The following PHLPP1 variants were observed in gnomAD, a reference collection of about 807,000 sequenced individuals.
PHLPP1 encodes PH domain leucine-rich repeat-containing protein phosphatase 1.
PHLPP1 carries 42 observed loss-of-function variants against 117.2 expected under a neutral mutation model. The observed-to-expected ratio is 0.36, with a 90% CI of 0.28 to 0.46. The LOEUF (loss-of-function observed/expected upper bound fraction) is 0.46. PHLPP1 is among the 20% of genes least tolerant of loss of function. The pLI is 1.00. For synonymous variants in PHLPP1, 1,042 were observed against 970.7 expected (o/e 1.07, Z -1.37); for missense variants, 2,084 against 2,241.9 (o/e 0.93, Z 1.42).
At chr18:62,900,255 C>T (rs369781611) in intron 6 of PHLPP1, among the ~76,000 whole-genome samples, 34 of 151,664 alleles carry the variant, frequency 2.2e-4, no homozygotes, top group African/African-American at 8.2e-4. Flanking sequence ...CAAGATCGCA[C>T]CACTGCACTC....
intron 14 of PHLPP1, among the ~76,000 whole-genome samples, chr18:62,966,205 T>C (rs1301380867): frequency 6.6e-6 from 1 of 152,138 alleles, no homozygotes; most frequent in African/African-American, 2.4e-5. Flanking sequence ...ATGTATGACA[T>C]ACTTAGAACA....
chr18:62,758,062 G>A (rs1440225077), intron 1 of PHLPP1, among the ~76,000 whole-genome samples: 5 of 152,122 alleles, frequency 3.3e-5, no homozygotes, highest in African/African-American at 4.8e-5. Context: ...CCCCATGAGC[G>A]GAGCTTCTGC....
chr18:62,849,631 T>C (rs1228161293), intron 3 of PHLPP1, among the ~76,000 whole-genome samples: 1 of 126,762 alleles, frequency 7.9e-6, no homozygotes, highest in Non-Finnish European at 1.6e-5. Context: ...GCCTGGATGA[T>C]AGATTGAGAT....
chr18:62,895,179 G>C, intron 5 of PHLPP1, 22 bp downstream of exon 5: 1 of 1,608,412 alleles, frequency 6.2e-7, no homozygotes, highest in Non-Finnish European at 8.5e-7. Flanking sequence ...AAACCCCACT[G>C]GCGGGTATAT....
chr18:62,853,657 T>C (rs1915418170), intron 3 of PHLPP1, among the ~76,000 whole-genome samples: 1 of 152,204 alleles, frequency 6.6e-6, no homozygotes, highest in Non-Finnish European at 1.5e-5. Flanking sequence ...GGCGTGAGCC[T>C]CTGCCCCCAG....
At chr18:62,815,865 T>C (rs1914257231) in intron 1 of PHLPP1, among the ~76,000 whole-genome samples, 1 of 152,230 alleles carries the variant, frequency 6.6e-6, no homozygotes, top group Non-Finnish European at 1.5e-5. Flanking sequence ...TTTCCTGATA[T>C]TTGAATGAAT....
At chr18:62,969,811 G>A (rs1439969103) in intron 14 of PHLPP1, among the ~76,000 whole-genome samples, 1 of 152,046 alleles carries the variant, frequency 6.6e-6, no homozygotes, top group Admixed American at 6.5e-5. Flanking sequence ...ATGTTAGCAT[G>A]GTATACCTTT....
At chr18:62,860,788 G>T (rs1039228045) in intron 4 of PHLPP1, among the ~76,000 whole-genome samples, 187 bp downstream of exon 4, 3 of 152,010 alleles carry the variant, frequency 2.0e-5, no homozygotes, top group South Asian at 2.1e-4. Flanking sequence ...TTTTTTTAAG[G>T]TTCTTGCTTT....
chr18:62,767,651 G>C (rs1912593022), intron 1 of PHLPP1, among the ~76,000 whole-genome samples: 2 of 152,206 alleles, frequency 1.3e-5, no homozygotes, highest in Non-Finnish European at 2.9e-5. Flanking sequence ...TAGAATGCAA[G>C]AATTGATCTG....
intron 1 of PHLPP1, among the ~76,000 whole-genome samples, chr18:62,777,551 T>G (rs527585311): frequency 1.3e-5 from 2 of 151,304 alleles, no homozygotes; most frequent in African/African-American, 2.4e-5. Flanking sequence ...GGTGTTGTTT[T>G]GAAAAGCAGA....
chr18:62,834,956 TTC>T (rs1914851575), intron 2 of PHLPP1, among the ~76,000 whole-genome samples: 2 of 152,226 alleles, frequency 1.3e-5, no homozygotes, highest in Admixed American at 6.5e-5. Flanking sequence ...AAATCGTATT[TTC>T]TGTTTGGTTT....
intron 14 of PHLPP1, among the ~76,000 whole-genome samples, chr18:62,969,168 A>G (rs1056957993): frequency 2.0e-5 from 3 of 152,002 alleles, no homozygotes; most frequent in Non-Finnish European, 4.4e-5. Flanking sequence ...TGGCCTCTCA[A>G]AGTACTGAGA....
chr18:62,950,387 C>G (rs889276886), intron 12 of PHLPP1, among the ~76,000 whole-genome samples: 9 of 152,170 alleles, frequency 5.9e-5, no homozygotes, highest in African/African-American at 1.7e-4. Context: ...TAGATCAGCT[C>G]TCAATCAGCT....
chr18:62,775,895 T>C (rs1216153079), intron 1 of PHLPP1, among the ~76,000 whole-genome samples: 2 of 152,156 alleles, frequency 1.3e-5, no homozygotes, highest in Non-Finnish European at 2.9e-5. Context: ...TATCTACCTT[T>C]AGTCACTAGA....
intron 3 of PHLPP1, among the ~76,000 whole-genome samples, chr18:62,841,674 A>G (rs921746372): frequency 5.3e-5 from 8 of 152,084 alleles, no homozygotes; most frequent in Non-Finnish European, 8.8e-5. Flanking sequence ...TTTGAGGAAT[A>G]CTGATGAGGT....
chr18:62,728,783 A>C (rs1444145514), intron 1 of PHLPP1, among the ~76,000 whole-genome samples: 1 of 152,178 alleles, frequency 6.6e-6, no homozygotes, highest in African/African-American at 2.4e-5. Context: ...CTGGGATTAC[A>C]GGCATGAGCC....
At chr18:62,775,536 A>G (rs1259246275) in intron 1 of PHLPP1, among the ~76,000 whole-genome samples, 1 of 152,198 alleles carries the variant, frequency 6.6e-6, no homozygotes, top group Non-Finnish European at 1.5e-5. Context: ...CTAAACTCAT[A>G]TATTCATTGG....
At chr18:62,839,007 A>AC in intron 3 of PHLPP1, 98 bp downstream of exon 3, 1 of 1,302,726 alleles carries the variant, frequency 7.7e-7, no homozygotes, top group East Asian at 2.4e-5. Context: ...AGTTACACAC[A>AC]CTTTTTTTTT....
chr18:62,813,546 T>G (rs546388857), intron 1 of PHLPP1, among the ~76,000 whole-genome samples: 1 of 152,328 alleles, frequency 6.6e-6, no homozygotes, highest in Admixed American at 6.5e-5. Flanking sequence ...TTCTTTGGTC[T>G]AGGTATAATC....
Sources: allele counts gnomAD v4.1 joint callset (sites outside exome capture counted in the v4.1 genomes callset), GRCh38; gene constraint gnomAD v4.1.1; transcripts MANE v1.5; gene names NCBI Gene and HGNC (gene_info 2026-07-23, HGNC 2026-07-21).